Variants in DIAPH3 observed in about 807,000 individuals in gnomAD.
DIAPH3 encodes the protein protein diaphanous homolog 3.
In DIAPH3, 117 loss-of-function variants were observed where a neutral mutation model predicts 144.3. The observed-to-expected ratio is 0.81, with a 90% CI of 0.70 to 0.95. DIAPH3 has a LOEUF of 0.95. DIAPH3 is among the 40% of genes least tolerant of loss of function. The probability of loss-of-function intolerance (pLI) is 0.00; values close to 1 mark genes in which losing one functional copy is unlikely to be tolerated. For missense variants in DIAPH3, 1,421 were observed against 1,412.7 expected (o/e 1.01, Z -0.09); for synonymous variants, 519 against 488.9 (o/e 1.06, Z -0.81).
chr13:60,008,640 T>A lies in DIAPH3; in HGVS notation c.918A>T (p.Glu306Asp). ...CAGCTGAAGTTAAAGCTTCTAAAAC[T>A]TCTTCAAGGCTATTGGAAAATTTGA... ...CIVGEESILE[E>D]VLEALTSAGE... Residue 306 changes from glutamate (E) to aspartate (D), a missense_variant, in exon 9 of 28, where the codon GAA (glutamate) becomes GAT (aspartate). Coordinates refer to ENST00000400324, the MANE Select transcript of DIAPH3 (RefSeq NM_001042517.2). 1 of 1,611,576 alleles carries A rather than the reference T, an allele frequency of 6.2e-7. No individual in the cohort carries two copies. Among genetic ancestry groups the A allele is most frequent in the Non-Finnish European group, 8.5e-7 (1 of 1,177,956 alleles).
intron 27 of DIAPH3, among the ~76,000 whole-genome samples, chr13:59,676,161 T>G (rs1192017268): frequency 6.6e-6 from 1 of 152,242 alleles, no homozygotes; most frequent in Non-Finnish European, 1.5e-5. Context: ...GAAAGACCCC[T>G]TGTTACTTGG....
intron 27 of DIAPH3, among the ~76,000 whole-genome samples, chr13:59,736,750 C>T (rs1219388458): frequency 6.6e-6 from 1 of 152,146 alleles, no homozygotes; most frequent in Non-Finnish European, 1.5e-5. Flanking sequence ...CGCTAGCCAA[C>T]TTCAAACTAT....
At chr13:59,763,049 C>A (rs1018948646) in intron 27 of DIAPH3, among the ~76,000 whole-genome samples, 2 of 152,002 alleles carry the variant, frequency 1.3e-5, no homozygotes, top group African/African-American at 4.8e-5. Context: ...CATAAGTTAC[C>A]CAGTCTGTGT....
At position 59,822,983 on chromosome 13, in the gene DIAPH3, A is replaced by C. The variant is rs533911775; in HGVS notation, c.3027+10124T>G. 1.6e-4 allele frequency among the ~76,000 whole-genome samples: 24 copies of C among 152,242 alleles called. 1 individual carries two copies. The highest frequency in any genetic ancestry group is 3.4e-3 in the Middle Eastern group (1 of 294). ...TATATCTTATTATTATGTATTAGTT[A>C]TTAAGTTGATTTCTTTTCCCTATAT... On this transcript the variant is annotated intron_variant, in intron 24 of 27. Transcript: ENST00000400324.
At chr13:60,022,541 G>A (rs1036530622) in intron 5 of DIAPH3, among the ~76,000 whole-genome samples, 1 of 152,126 alleles carries the variant, frequency 6.6e-6, no homozygotes, top group African/African-American at 2.4e-5. Context: ...GCTGCTGCCT[G>A]GGACTCTGGG....
chr13:60,089,302 AC>A (rs2057852621), intron 4 of DIAPH3, among the ~76,000 whole-genome samples: 1 of 152,208 alleles, frequency 6.6e-6, no homozygotes, highest in Non-Finnish European at 1.5e-5. Context: ...AAGCTTGACT[AC>A]AGAAATCATC....
chr13:59,974,365 G>T lies in DIAPH3; in HGVS notation c.1637C>A (p.Ala546Asp). 6.2e-7 allele frequency: 1 copy of T among 1,611,748 alleles called. No individual in the cohort carries two copies. ...GTGGAATTTTACCTGAGACTTAAAA[G>T]CTTGTAGCTCTGCTTGAAGCTCATT... ...KINELQAELQAFKSQFGALPA... is the reference protein window; with the variant it reads ...KINELQAELQDFKSQFGALPA... The change falls in exon 15 of 28, where the codon GCT becomes GAT. Residue 546 changes from alanine to aspartate, a missense_variant. Coordinates refer to ENST00000400324, the MANE Select transcript of DIAPH3 (RefSeq NM_001042517.2).
chr13:59,978,601 A>G (rs377744043), intron 14 of DIAPH3, among the ~76,000 whole-genome samples: 24 of 151,872 alleles, frequency 1.6e-4, no homozygotes, highest in African/African-American at 5.8e-4. Flanking sequence ...ATTACTTATG[A>G]AAAAATAAGT....
intron 5 of DIAPH3, among the ~76,000 whole-genome samples, chr13:60,029,147 C>T (rs9592010): frequency 0.021 from 2,289 of 111,276 alleles, 19 homozygotes; most frequent in Non-Finnish European, 0.032. Flanking sequence ...CTACTATCTG[C>T]CTATTTGCTC....
intron 24 of DIAPH3, among the ~76,000 whole-genome samples, chr13:59,822,796 G>A (rs1370918628): frequency 1.3e-5 from 2 of 152,084 alleles, no homozygotes; most frequent in African/African-American, 4.8e-5. Context: ...AAGTTAACAT[G>A]TATCCTCTCC....
At chr13:60,061,610 CCA>C (rs1334518809) in intron 4 of DIAPH3, among the ~76,000 whole-genome samples, 1 of 151,328 alleles carries the variant, frequency 6.6e-6, no homozygotes, top group African/African-American at 2.4e-5. Flanking sequence ...GCCCCTCCCC[CCA>C]CACACACCTC....
chr13:59,899,437 C>G (rs983003251), intron 20 of DIAPH3, among the ~76,000 whole-genome samples: 2 of 152,122 alleles, frequency 1.3e-5, no homozygotes, highest in Non-Finnish European at 2.9e-5. Flanking sequence ...AATGAGAGAA[C>G]AAGCCATTTG....
intron 2 of DIAPH3, among the ~76,000 whole-genome samples, chr13:60,117,141 A>G (rs1370142862): frequency 6.6e-6 from 1 of 152,084 alleles, no homozygotes; most frequent in African/African-American, 2.4e-5. Flanking sequence ...AACGTTAATA[A>G]TAAAATATAA....
chr13:59,934,732 G>A (rs1326877679), intron 17 of DIAPH3, among the ~76,000 whole-genome samples: 13 of 152,092 alleles, frequency 8.5e-5, no homozygotes, highest in Admixed American at 5.2e-4. Context: ...TGCTGAAGGT[G>A]GCACAAGGCT....
chr13:59,982,796 T>G (rs1413340859), intron 13 of DIAPH3, among the ~76,000 whole-genome samples: 1 of 151,660 alleles, frequency 6.6e-6, no homozygotes, highest in Non-Finnish European at 1.5e-5. Flanking sequence ...TATCAGGCAC[T>G]GGTCATATGG....
intron 17 of DIAPH3, among the ~76,000 whole-genome samples, chr13:59,955,412 T>C (rs1312011209): frequency 2.0e-5 from 3 of 152,144 alleles, no homozygotes; most frequent in Non-Finnish European, 4.4e-5. Flanking sequence ...AAGACGTGCC[T>C]TTACTCCTCC....
chr13:59,968,859 G>A (rs1401789262), intron 17 of DIAPH3, among the ~76,000 whole-genome samples: 2 of 152,108 alleles, frequency 1.3e-5, no homozygotes, highest in African/African-American at 2.4e-5. Flanking sequence ...ATCTAGCATG[G>A]TGCCTGGCTA....
At chr13:59,741,394 G>A (rs1287667639) in intron 27 of DIAPH3, among the ~76,000 whole-genome samples, 1 of 152,102 alleles carries the variant, frequency 6.6e-6, no homozygotes, top group African/African-American at 2.4e-5. Flanking sequence ...CCTAATGAAA[G>A]TATTACAGAT....
intron 4 of DIAPH3, among the ~76,000 whole-genome samples, chr13:60,058,238 G>T (rs1200692290): frequency 1.3e-5 from 2 of 148,452 alleles, no homozygotes; most frequent in Non-Finnish European, 3.0e-5. Flanking sequence ...GACATGAATA[G>T]ACATTTCTGA....
Sources: allele counts gnomAD v4.1 joint callset (sites outside exome capture counted in the v4.1 genomes callset), GRCh38; gene constraint gnomAD v4.1.1; transcripts MANE v1.5; gene names NCBI Gene and HGNC (gene_info 2026-07-23, HGNC 2026-07-21).